The following PPIF variants were observed in gnomAD, a reference collection of about 807,000 sequenced individuals.
PPIF encodes peptidylprolyl isomerase F.
Under a neutral mutation model 20.2 loss-of-function variants are expected in PPIF, and 23 were observed. The ratio of observed to expected loss-of-function variants is 1.14; its 90% CI spans 0.82 to 1.61. The LOEUF is 1.61. Among genes scored for constraint, PPIF ranks in the 40% most tolerant of loss-of-function variants. The pLI is 0.00. For synonymous variants in PPIF, 113 were observed against 123.1 expected (o/e 0.92, Z 0.54); for missense variants, 287 against 291.6 (o/e 0.98, Z 0.11).
chr10:79,350,353 G>A lies in PPIF; in HGVS notation c.315+600G>A, dbSNP rs540813355. Among the ~76,000 whole-genome samples the A allele has an allele frequency of 1.5e-4, 23 of 152,332 alleles. 1 individual carries two copies. The South Asian group carries it at 4.1e-3, about 27-fold the overall frequency. ...TCCTGTGGGTCAGGACCCAGGTGGT[G>A]TTGGGGCTGGTCTTCTATTAGCACA... On this transcript the variant is annotated intron_variant, in intron 3 of 5. Coordinates refer to ENST00000225174, the MANE Select transcript of PPIF (RefSeq NM_005729.4).
At chr10:79,351,277 T>C (rs1399159742) in intron 3 of PPIF, among the ~76,000 whole-genome samples, 1 of 152,100 alleles carries the variant, frequency 6.6e-6, no homozygotes, top group African/African-American at 2.4e-5. Context: ...CAAAGGTAGT[T>C]ACGGTGACAA....
chr10:79,348,948 A>C (rs2132150292), intron 1 of PPIF, 128 bp from the exon 2 acceptor site: 3 of 1,597,518 alleles, frequency 1.9e-6, no homozygotes, highest in Non-Finnish European at 2.6e-6. Context: ...AATAATGGGA[A>C]TGGAATGTCC....
chr10:79,351,992 A>G (rs1267169864), intron 4 of PPIF, among the ~76,000 whole-genome samples: 2 of 152,332 alleles, frequency 1.3e-5, no homozygotes, highest in African/African-American at 4.8e-5. Context: ...TTGTGGCAGC[A>G]TCGTGTCACC....
chr10:79,348,868 C>T (rs945154579), intron 1 of PPIF, among the ~76,000 whole-genome samples: 1 of 152,220 alleles, frequency 6.6e-6, no homozygotes, highest in Non-Finnish European at 1.5e-5. Flanking sequence ...AAACCAAGGC[C>T]ACCTCCTCCA....
At chr10:79,347,864 G>A in intron 1 of PPIF, 121 bp downstream of exon 1, 1 of 1,218,646 alleles carries the variant, frequency 8.2e-7, no homozygotes, top group Non-Finnish European at 1.0e-6. Flanking sequence ...CCGAGCTCTG[G>A]GCCTCAGTTT....
At chr10:79,349,547 C>T (rs761081096) in intron 2 of PPIF, 118 bp from the exon 3 acceptor site, 1 of 1,508,830 alleles carries the variant, frequency 6.6e-7, no homozygotes, top group Non-Finnish European at 8.9e-7. Context: ...AAGAGGTGGG[C>T]CAGAGTCTTT....
intron 1 of PPIF, among the ~76,000 whole-genome samples, chr10:79,348,597 T>C (rs903986636): frequency 6.6e-6 from 1 of 152,114 alleles, no homozygotes; most frequent in African/African-American, 2.4e-5. Context: ...CCTGCTTCCA[T>C]TTGGTTCCAG....
chr10:79,349,451 G>C (rs1855949314), intron 2 of PPIF, among the ~76,000 whole-genome samples: 1 of 152,260 alleles, frequency 6.6e-6, no homozygotes, highest in South Asian at 2.1e-4. Context: ...CCATGAGCCT[G>C]TACTCTTGTC....
At chr10:79,349,557 T>TA in intron 2 of PPIF, 108 bp from the exon 3 acceptor site, 1 of 1,532,072 alleles carries the variant, frequency 6.5e-7, no homozygotes, top group African/African-American at 1.4e-5. Flanking sequence ...CCAGAGTCTT[T>TA]ATCCCCCTGT....
intron 2 of PPIF, 61 bp from the exon 3 acceptor site, chr10:79,349,604 C>T (rs1025094350): frequency 1.7e-5 from 28 of 1,602,116 alleles, no homozygotes; most frequent in East Asian, 9.0e-5. Context: ...TTGGCTGGAA[C>T]GGGTATGACC....
rs926757819 is a variant in PPIF, at chr10:79,347,813, C to G, written c.195+70C>G. On this transcript the variant is annotated intron_variant, in intron 1 of 5. Coordinates refer to ENST00000225174, the MANE Select transcript of PPIF (RefSeq NM_005729.4). ...GGGGAGAGCCCTGGGCCCCGGGCGG[C>G]GCGGTGCCGGGCGCGCTGGGTGACC... The G allele has an allele frequency of 4.8e-6, 6 of 1,241,532 alleles. No individual in the cohort carries two copies. In the African/African-American group the frequency reaches 6.3e-5, roughly 13 times the overall value. 76.9% of individuals were successfully genotyped at this position (1,241,532 alleles called of 1,614,324 possible).
chr10:79,348,987 A>G, intron 1 of PPIF, 89 bp from the exon 2 acceptor site: 2 of 1,612,074 alleles, frequency 1.2e-6, no homozygotes, highest in South Asian at 1.1e-5. Context: ...CTCCTTGGCC[A>G]CTGTGGGGGT....
Position 79,349,068 on chromosome 10 carries a change from C to T in PPIF, c.196-8C>T. ...CCATCCTCTTTTGTCCTTCTTCTCCCCCAACAGCTGAAGGCAGATGTCGTC... is the reference window on the plus strand; with the variant it reads ...CCATCCTCTTTTGTCCTTCTTCTCCTCCAACAGCTGAAGGCAGATGTCGTC... On this transcript the variant is annotated splice_region_variant and splice_polypyrimidine_tract_variant and intron_variant, in intron 1 of 5. Coordinates refer to ENST00000225174, the MANE Select transcript of PPIF (RefSeq NM_005729.4). The T allele has an allele frequency of 6.2e-7, 1 of 1,613,976 alleles. No homozygotes were observed. Among genetic ancestry groups the T allele is most frequent in the Non-Finnish European group, 8.5e-7 (1 of 1,179,998 alleles).
chr10:79,347,621 C>A lies in PPIF; in HGVS notation c.73C>A (p.Pro25Thr). The A allele has an allele frequency of 2.1e-6, 3 of 1,444,994 alleles. No homozygotes were observed. The highest frequency in any genetic ancestry group is 2.7e-6 in the Non-Finnish European group (3 of 1,094,870). The allele number at this position is 1,444,994 out of a possible 1,614,324, so 89.5% of individuals were successfully genotyped here. A position where few individuals can be genotyped will look rare whatever the true frequency, so the allele number is the denominator to read the frequency against. The change falls in exon 1 of 6, where the codon CCC becomes ACC. Residue 25 changes from proline to threonine, a missense_variant. Pro to Thr is a conservative substitution (Grantham distance 38, BLOSUM62 -1). Transcript: ENST00000225174. The stretch of plus-strand genomic sequence containing the variant: ...CCCGCGCTCCGTGCCGCTGCGCCTC[C>A]CCGCGGCCCGCGCCTGCAGCAAGGG... The part of the protein sequence containing the change: ...SVPRSVPLRL[P>T]AARACSKGSG...
In PPIF at chr10:79,349,734, T is replaced by C. The variant is rs755446830; in HGVS notation, c.296T>C (p.Ile99Thr). ...AAAGGCTCCACCTTCCACAGGGTGA[T>C]CCCTTCCTTCATGTGCCAGGTAATG... is the stretch of plus-strand genomic sequence containing the variant. ...GYKGSTFHRVIPSFMCQAGDF... is the reference protein window; with the variant it reads ...GYKGSTFHRVTPSFMCQAGDF... The change falls in exon 3 of 6, where the codon ATC (isoleucine) becomes ACC (threonine). Residue 99 changes from isoleucine (I) to threonine (T), a missense_variant. Physicochemically the swap from Ile to Thr is moderately conservative, Grantham distance 89. Transcript: ENST00000225174. 3 of 1,613,914 alleles carry C rather than the reference T, an allele frequency of 1.9e-6. No individual in the cohort carries two copies. The African/African-American group carries it at 4.0e-5, about 22-fold the overall frequency.
intron 4 of PPIF, 123 bp from the exon 5 acceptor site, chr10:79,352,194 C>G (rs1477166967): frequency 1.4e-5 from 12 of 847,768 alleles, no homozygotes; most frequent in Non-Finnish European, 1.9e-5. Flanking sequence ...TTCTCCTCTT[C>G]TGGGTCCCAG....
At chr10:79,353,683 C>T (rs750181698) in intron 5 of PPIF, 24 bp from the exon 6 acceptor site, 2 of 1,614,210 alleles carry the variant, frequency 1.2e-6, no homozygotes, top group South Asian at 1.1e-5. Context: ...CACTGTTGCT[C>T]ACCCGGGTCA....
In PPIF at chr10:79,348,253, C is replaced by T. The variant is rs7091910; in HGVS notation, c.195+510C>T. On this transcript the variant is annotated intron_variant, in intron 1 of 5. Coordinates refer to ENST00000225174, the MANE Select transcript of PPIF (RefSeq NM_005729.4). ...GTGGTTTCCAGCAGTAGTGCGGGCC[C>T]AGTAGGCCTCAGGCCCCGGCCACCT... is the stretch of plus-strand genomic sequence containing the variant. 8.8e-4 allele frequency among the ~76,000 whole-genome samples: 134 copies of T among 152,254 alleles called. 1 individual carries two copies. The highest frequency in any genetic ancestry group is 3.1e-3 in the African/African-American group (129 of 41,560).
chr10:79,347,515 T>C lies in PPIF; in HGVS notation c.-34T>C, dbSNP rs946823003. On this transcript the variant is annotated 5_prime_UTR_variant, in exon 1 of 6. Coordinates refer to ENST00000225174, the MANE Select transcript of PPIF (RefSeq NM_005729.4). ...CGACGTCAGTTTGAGTTCTGTGTTCTCCCCGCCCGTGTCCCGCCCGACCCG... is the reference window on the plus strand; with the variant it reads ...CGACGTCAGTTTGAGTTCTGTGTTCCCCCCGCCCGTGTCCCGCCCGACCCG... 9 of 1,283,934 alleles carry C rather than the reference T, an allele frequency of 7.0e-6. No homozygotes were observed. The Admixed American group carries it at 3.0e-4, about 42-fold the overall frequency. The allele number at this position is 1,283,934 out of a possible 1,614,324, so 79.5% of individuals were successfully genotyped here. A position where few individuals can be genotyped will look rare whatever the true frequency, so the allele number is the denominator to read the frequency against.
Sources: allele counts gnomAD v4.1 joint callset (sites outside exome capture counted in the v4.1 genomes callset), GRCh38; gene constraint gnomAD v4.1.1; transcripts MANE v1.5; gene names NCBI Gene and HGNC (gene_info 2026-07-23, HGNC 2026-07-21).